The following TNKS variants were observed in gnomAD, a reference collection of about 807,000 sequenced individuals.
TNKS encodes poly [ADP-ribose] polymerase tankyrase-1.
In TNKS, 72 loss-of-function variants were observed where a neutral mutation model predicts 135.8. The observed-to-expected ratio is 0.53, with a 90% CI of 0.44 to 0.64. The LOEUF (loss-of-function observed/expected upper bound fraction) is 0.64, where lower values mean the gene tolerates loss of function less well. TNKS is among the 30% of genes least tolerant of loss of function. TNKS has a pLI of 0.00. For missense variants in TNKS, 1,769 were observed against 1,674.0 expected (o/e 1.06, Z -0.99); for synonymous variants, 849 against 649.3 (o/e 1.31, Z -4.68).
chr8:9,767,731 G>A (rs926668306), intron 25 of TNKS, among the ~76,000 whole-genome samples: 18 of 151,942 alleles, frequency 1.2e-4, no homozygotes, highest in Middle Eastern at 3.2e-3. Flanking sequence ...AGGCCGAGGC[G>A]GGCAGATCAT....
In TNKS at chr8:9,660,476, A is replaced by G. The variant is rs1459219783; in HGVS notation, c.995-19475A>G. ...GTAATCCAGCATGTAAAGAGAACCA[A>G]AGACAAAAACCACATGATTATCTCA... On this transcript the variant is annotated intron_variant, in intron 3 of 26. Coordinates refer to ENST00000310430, the MANE Select transcript of TNKS (RefSeq NM_003747.3). 4.6e-5 allele frequency among the ~76,000 whole-genome samples: 7 copies of G among 152,244 alleles called. No homozygotes were observed. In the East Asian group the frequency reaches 1.3e-3, roughly 29 times the overall value.
Position 9,665,950 on chromosome 8 carries a change from T to A in TNKS, c.995-14001T>A, listed in dbSNP as rs1043453638. Among the ~76,000 whole-genome samples the A allele has an allele frequency of 2.6e-5, 4 of 152,194 alleles. No individual in the cohort carries two copies. The South Asian group carries it at 8.3e-4, about 32-fold the overall frequency. On this transcript the variant is annotated intron_variant, in intron 3 of 26. Transcript: ENST00000310430. ...TTCCTACCTCTCTTTTTACTACTCT[T>A]CTCTCTTCTTCCTCCCCTCCTCTTT...
chr8:9,600,670 GA>G (rs962501300), intron 2 of TNKS, among the ~76,000 whole-genome samples: 7 of 151,722 alleles, frequency 4.6e-5, no homozygotes, highest in South Asian at 2.1e-4. Flanking sequence ...GACGTACTTG[GA>G]AAAAAAAGTT....
chr8:9,706,913 G>A lies in TNKS; in HGVS notation c.1372G>A (p.Gly458Ser). ...VEVCSLLLSH[G>S]ADPTLVNCHG... is the part of the protein sequence containing the mutation. Reference sequence around the variant, plus strand: ...AGTCTGCTCTTTGTTACTTAGCCATGGCGCTGATCCTACATTAGTCAACTG... The same window carrying A: ...AGTCTGCTCTTTGTTACTTAGCCATAGCGCTGATCCTACATTAGTCAACTG... Residue 458 changes from glycine to serine, a missense_variant, in exon 8 of 27, where the codon GGC (glycine) becomes AGC (serine). Coordinates refer to ENST00000310430, the MANE Select transcript of TNKS (RefSeq NM_003747.3). 3 of 1,614,084 alleles carry A rather than the reference G, an allele frequency of 1.9e-6. No homozygotes were observed. The highest frequency in any genetic ancestry group is 2.5e-6 in the Non-Finnish European group (3 of 1,179,982).
rs1048168045 is a variant in TNKS at position 9,735,475 on chromosome 8, G to T, written c.2632G>T (p.Ala878Ser). Residue 878 changes from alanine to serine, a missense_variant, in exon 17 of 27, where the codon GCA (alanine) becomes TCA (serine). Transcript: ENST00000310430. ...KGGLIPLHNAASYGHVDIAAL... is the reference protein window; with the variant it reads ...KGGLIPLHNASSYGHVDIAAL... ...TGGTTTAATTCCTCTTCATAATGCG[G>T]CATCTTATGGGGTAAGCATACTAAC... The T allele has an allele frequency of 3.7e-6, 6 of 1,613,002 alleles. No homozygotes were observed. Among genetic ancestry groups the T allele is most frequent in the Non-Finnish European group, 5.1e-6 (6 of 1,179,196 alleles).
At chr8:9,605,599 G>A (rs1286067942) in intron 2 of TNKS, among the ~76,000 whole-genome samples, 1 of 152,012 alleles carries the variant, frequency 6.6e-6, no homozygotes, top group Non-Finnish European at 1.5e-5. Context: ...CCATTCATTT[G>A]TAATGCCCAC....
chr8:9,659,443 A>C (rs1412935069), intron 3 of TNKS, among the ~76,000 whole-genome samples: 2 of 152,170 alleles, frequency 1.3e-5, no homozygotes. Context: ...ACTCAAAACT[A>C]CTCAACTACA....
rs370500949 is a variant in TNKS, at chr8:9,778,381, T to C, written c.*1645T>C. The C allele has an allele frequency of 7.2e-5, 11 of 152,572 alleles. No individual in the cohort carries two copies. The East Asian group carries it at 1.5e-3, about 21-fold the overall frequency. The allele number at this position is 152,572 out of a possible 1,614,324, so 9.5% of individuals were successfully genotyped here. ...GTGATTAAGCTGTGACCTCCTTTAA[T>C]CTCCTGAAGCAAAATAAAATGGTTA... On this transcript the variant is annotated 3_prime_UTR_variant, in exon 27 of 27. Coordinates refer to ENST00000310430, the MANE Select transcript of TNKS (RefSeq NM_003747.3).
intron 5 of TNKS, among the ~76,000 whole-genome samples, chr8:9,702,131 C>G (rs1803831386): frequency 1.3e-5 from 2 of 152,162 alleles, no homozygotes; most frequent in Non-Finnish European, 1.5e-5. Context: ...TTGAAATTAA[C>G]CTAATATTTG....
chr8:9,701,420 TAATATTA>T (rs1803798801), intron 5 of TNKS, among the ~76,000 whole-genome samples: 2 of 152,374 alleles, frequency 1.3e-5, no homozygotes, highest in East Asian at 3.9e-4. Context: ...CCTTTTTATG[TAATATTA>T]AATATTAGCT....
intron 2 of TNKS, among the ~76,000 whole-genome samples, chr8:9,581,172 T>A (rs1473668382): frequency 6.6e-6 from 1 of 152,228 alleles, no homozygotes; most frequent in Non-Finnish European, 1.5e-5. Context: ...GCAACTAAAA[T>A]ATACATGACA....
chr8:9,710,395 A>G, intron 11 of TNKS, 175 bp downstream of exon 11: 1 of 635,982 alleles, frequency 1.6e-6, no homozygotes, highest in Non-Finnish European at 2.8e-6. Context: ...TTTCTAATAA[A>G]AATAATTACC....
chr8:9,709,569 G>T (rs1443501190), intron 9 of TNKS, among the ~76,000 whole-genome samples: 2 of 152,162 alleles, frequency 1.3e-5, no homozygotes, highest in Non-Finnish European at 2.9e-5. Flanking sequence ...CTGTAGAAGA[G>T]CTTAGAAATA....
intron 3 of TNKS, among the ~76,000 whole-genome samples, chr8:9,618,063 T>C (rs1306587417): frequency 6.7e-6 from 1 of 148,716 alleles, no homozygotes; most frequent in Non-Finnish European, 1.5e-5. Flanking sequence ...CTCAGCTCAC[T>C]GCAACCTCCG....
intron 5 of TNKS, among the ~76,000 whole-genome samples, chr8:9,691,403 ATCAGAATGCTAAAGTTG>A (rs2128801722): frequency 6.6e-6 from 1 of 152,350 alleles, no homozygotes; most frequent in South Asian, 2.1e-4. Context: ...TGACCTATGG[ATCAGAATGCTAAAGTTG>A]TCAGAACCAA....
intron 11 of TNKS, among the ~76,000 whole-genome samples, chr8:9,714,513 C>G (rs897586574): frequency 6.6e-6 from 1 of 152,094 alleles, no homozygotes; most frequent in Non-Finnish European, 1.5e-5. Context: ...TATCTAATCC[C>G]TTTATAATTG....
chr8:9,749,441 GCTGT>G (rs1234348711), intron 18 of TNKS, among the ~76,000 whole-genome samples: 1 of 151,396 alleles, frequency 6.6e-6, no homozygotes, highest in Non-Finnish European at 1.5e-5. Flanking sequence ...GTTCACTGTG[GCTGT>G]CTTTTTTTTT....
chr8:9,724,790 G>A (rs1430942271), intron 12 of TNKS, among the ~76,000 whole-genome samples: 2 of 152,064 alleles, frequency 1.3e-5, no homozygotes, highest in East Asian at 1.9e-4. Context: ...AGTTCCAGAA[G>A]CATTCTTATA....
intron 20 of TNKS, among the ~76,000 whole-genome samples, chr8:9,754,070 A>G (rs79941598): frequency 0.036 from 5,407 of 152,254 alleles, 319 homozygotes; most frequent in African/African-American, 0.12. Context: ...GGACATTTGC[A>G]TTGAATTTGA....
Sources: gnomAD v4.1 joint callset for allele counts (sites outside exome capture counted in the v4.1 genomes callset) on GRCh38, gnomAD v4.1.1 for gene constraint, MANE v1.5 for transcripts, NCBI Gene and HGNC (gene_info 2026-07-23, HGNC 2026-07-21) for gene names.